The following CDC37L1 variants were observed in gnomAD, a reference collection of about 807,000 sequenced individuals.
CDC37L1 encodes the protein hsp90 co-chaperone Cdc37-like 1.
CDC37L1 carries 32 observed loss-of-function variants against 45.9 expected under a neutral mutation model. The ratio of observed to expected loss-of-function variants is 0.70; its 90% CI spans 0.53 to 0.94. CDC37L1 has a LOEUF of 0.94. Among genes scored for constraint, CDC37L1 ranks in the 40% least tolerant of loss-of-function variants. The pLI is 0.00. For synonymous variants in CDC37L1, 150 were observed against 133.0 expected (o/e 1.13, Z -0.88); for missense variants, 434 against 405.7 (o/e 1.07, Z -0.60).
intron 6 of CDC37L1, among the ~76,000 whole-genome samples, chr9:4,704,437 T>A (rs966684290): frequency 2.0e-5 from 3 of 152,246 alleles, no homozygotes; most frequent in African/African-American, 7.2e-5. Flanking sequence ...AGGTCGGGTA[T>A]ACCGATTCCT....
chr9:4,700,851 T>C (rs1841389796), intron 5 of CDC37L1, among the ~76,000 whole-genome samples: 1 of 152,204 alleles, frequency 6.6e-6, no homozygotes, highest in South Asian at 2.1e-4. Flanking sequence ...AAATCTGTCA[T>C]CACTCTATAT....
intron 3 of CDC37L1, among the ~76,000 whole-genome samples, chr9:4,689,944 G>C (rs1445377304): frequency 6.6e-6 from 1 of 152,232 alleles, no homozygotes; most frequent in East Asian, 1.9e-4. Context: ...CACTCTGAAA[G>C]TTGGTTGCTT....
chr9:4,681,649 T>A (rs1035659689), intron 1 of CDC37L1, among the ~76,000 whole-genome samples: 3 of 151,652 alleles, frequency 2.0e-5, no homozygotes, highest in Admixed American at 6.6e-5. Flanking sequence ...AAAAAAAAAA[T>A]TTTTTTTGCA....
intron 6 of CDC37L1, among the ~76,000 whole-genome samples, chr9:4,704,031 A>T (rs992831371): frequency 2.6e-5 from 4 of 152,198 alleles, no homozygotes; most frequent in African/African-American, 9.6e-5. Flanking sequence ...CATGTGCGGA[A>T]AGGATTATCG....
At chr9:4,682,161 C>CTTTTT (rs1198428290) in intron 1 of CDC37L1, among the ~76,000 whole-genome samples, 2 of 42,780 alleles carry the variant, frequency 4.7e-5, no homozygotes, top group Non-Finnish European at 8.6e-5. Flanking sequence ...TATCCTTTCT[C>CTTTTT]TTTTTTTTTT....
intron 3 of CDC37L1, among the ~76,000 whole-genome samples, chr9:4,691,038 C>T (rs775375681): frequency 4.6e-5 from 7 of 152,164 alleles, no homozygotes; most frequent in Non-Finnish European, 7.4e-5. Flanking sequence ...AGAGGTGTGA[C>T]ACAAGACAGT....
chr9:4,679,931 G>A, intron 1 of CDC37L1, 32 bp downstream of exon 1: 1 of 1,611,410 alleles, frequency 6.2e-7, no homozygotes, highest in Non-Finnish European at 8.5e-7. Flanking sequence ...GCGGAGGGAT[G>A]GAGTGGTGCT....
chr9:4,706,168 G>C lies in CDC37L1; in HGVS notation c.*56G>C. On this transcript the variant is annotated 3_prime_UTR_variant, in exon 7 of 7. Coordinates refer to ENST00000381854, the MANE Select transcript of CDC37L1 (RefSeq NM_017913.4). The stretch of plus-strand genomic sequence containing the variant: ...TTTTGTTACAAGAAAGGAAGAACTT[G>C]GCTATTTTCTTGACACTTTTATGGG... 1 of 893,960 alleles carries C rather than the reference G, an allele frequency of 1.1e-6. No homozygotes were observed. The highest frequency in any genetic ancestry group is 1.9e-6 in the Non-Finnish European group (1 of 533,452). The allele number at this position is 893,960 out of a possible 1,614,324, so 55.4% of individuals were successfully genotyped here.
At chr9:4,702,997 T>C in intron 6 of CDC37L1, 1 of 1,346,512 alleles carries the variant, frequency 7.4e-7, no homozygotes, top group Admixed American at 2.5e-5. Context: ...CTAGTTAGGA[T>C]TACAAGTTTA....
intron 1 of CDC37L1, among the ~76,000 whole-genome samples, chr9:4,682,547 T>A (rs1841204901): frequency 6.6e-6 from 1 of 151,940 alleles, no homozygotes; most frequent in South Asian, 2.1e-4. Context: ...CAGGATGGTC[T>A]CGAGCTCCTC....
intron 2 of CDC37L1, among the ~76,000 whole-genome samples, chr9:4,688,095 T>A (rs1301534977): frequency 6.6e-6 from 1 of 152,204 alleles, no homozygotes; most frequent in Non-Finnish European, 1.5e-5. Flanking sequence ...CCTCCTGGGT[T>A]CACGCAAGAT....
intron 1 of CDC37L1, among the ~76,000 whole-genome samples, chr9:4,680,445 G>C (rs894288855): frequency 1.6e-4 from 24 of 152,140 alleles, no homozygotes; most frequent in African/African-American, 5.5e-4. Context: ...TCCCATTCGC[G>C]TGACCATCTT....
intron 5 of CDC37L1, among the ~76,000 whole-genome samples, chr9:4,698,929 T>C (rs1048009646): frequency 3.8e-5 from 5 of 131,000 alleles, no homozygotes; most frequent in African/African-American, 1.7e-4. Context: ...TAAATTTTTT[T>C]GTTTTGGAAA....
chr9:4,690,325 A>G (rs935163587), intron 3 of CDC37L1, among the ~76,000 whole-genome samples: 2 of 152,150 alleles, frequency 1.3e-5, no homozygotes, highest in Non-Finnish European at 2.9e-5. Context: ...CAAGTGAGGA[A>G]TTACCAGTCC....
intron 3 of CDC37L1, among the ~76,000 whole-genome samples, chr9:4,690,687 T>A (rs931410737): frequency 6.6e-6 from 1 of 152,202 alleles, no homozygotes; most frequent in Non-Finnish European, 1.5e-5. Context: ...GTAATAAATA[T>A]CAGAGCCTTG....
Sources: allele counts gnomAD v4.1 joint callset (sites outside exome capture counted in the v4.1 genomes callset), GRCh38; gene constraint gnomAD v4.1.1; transcripts MANE v1.5; gene names NCBI Gene and HGNC (gene_info 2026-07-23, HGNC 2026-07-21).